Variants in SYT1 observed in about 807,000 individuals in gnomAD.
SYT1 encodes the protein synaptotagmin 1, also known as synaptotagmin-1.
SYT1 carries 8 observed loss-of-function variants against 44.8 expected under a neutral mutation model. The ratio of observed to expected loss-of-function variants is 0.18; its 90% CI spans 0.10 to 0.32. SYT1 has a LOEUF of 0.32. SYT1 is among the 10% of genes least tolerant of loss of function. The pLI, the probability that SYT1 is intolerant of heterozygous loss-of-function variation, is 1.00. For missense variants in SYT1, 286 were observed against 509.3 expected (o/e 0.56, Z 4.22); for synonymous variants, 154 against 188.8 (o/e 0.82, Z 1.51).
intron 1 of SYT1, among the ~76,000 whole-genome samples, chr12:78,897,397 ATTGTTTTGTT>A (rs370586558): frequency 6.6e-6 from 1 of 152,058 alleles, no homozygotes; most frequent in African/African-American, 2.4e-5. Flanking sequence ...CAGAAGCTAG[ATTGTTTTGTT>A]TTGTTTTGTT....
intron 2 of SYT1, among the ~76,000 whole-genome samples, chr12:78,987,207 G>A (rs1430279508): frequency 6.6e-6 from 1 of 152,034 alleles, no homozygotes; most frequent in Admixed American, 6.6e-5. Flanking sequence ...AAATGAGGAG[G>A]CACCCTTTCT....
At position 79,449,061 on chromosome 12, in the gene SYT1, T is replaced by A; in HGVS notation, c.1206T>A (p.Ile402=). Residue 402 remains isoleucine, a synonymous_variant, in exon 11 of 11, where the codon ATT becomes ATA. Coordinates refer to ENST00000261205, the MANE Select transcript of SYT1 (RefSeq NM_005639.3). ...TGCTGGCCAACCCCAGGCGACCTAT[T>A]GCCCAGTGGCACACCCTGCAGGTAG... ...SDMLANPRRP[I]AQWHTLQVEE... The A allele has an allele frequency of 6.2e-7, 1 of 1,614,196 alleles. No homozygotes were observed. The highest frequency in any genetic ancestry group is 2.2e-5 in the East Asian group (1 of 44,866).
chr12:79,442,459 A>C (rs1186977109), intron 9 of SYT1, among the ~76,000 whole-genome samples: 1 of 152,154 alleles, frequency 6.6e-6, no homozygotes, highest in Non-Finnish European at 1.5e-5. Context: ...AATTTTGATG[A>C]AAATCTTCAT....
chr12:79,200,965 G>A (rs967134559), intron 3 of SYT1, among the ~76,000 whole-genome samples: 6 of 152,128 alleles, frequency 3.9e-5, no homozygotes, highest in Non-Finnish European at 7.4e-5. Flanking sequence ...GAAATGGTAA[G>A]GAAATGTATT....
intron 4 of SYT1, among the ~76,000 whole-genome samples, chr12:79,262,398 C>A (rs904927998): frequency 3.3e-5 from 5 of 152,146 alleles, no homozygotes; most frequent in African/African-American, 1.2e-4. Flanking sequence ...GTTGTAAAAT[C>A]TTTGGTGTTG....
chr12:79,043,279 CT>C (rs1292360546), intron 2 of SYT1, among the ~76,000 whole-genome samples: 4 of 150,494 alleles, frequency 2.7e-5, no homozygotes, highest in Admixed American at 1.3e-4. Flanking sequence ...TTGTGGGTCA[CT>C]CAGGACTTGC....
chr12:79,087,100 C>T (rs1024315385), intron 3 of SYT1, among the ~76,000 whole-genome samples: 2 of 152,114 alleles, frequency 1.3e-5, no homozygotes, highest in African/African-American at 4.8e-5. Context: ...GTACACAATT[C>T]GGGCCTTTTC....
chr12:79,416,034 T>A lies in SYT1; in HGVS notation c.929-28039T>A, dbSNP rs921599074. Among the ~76,000 whole-genome samples, 5 of 152,220 alleles carry A rather than the reference T, an allele frequency of 3.3e-5. No individual in the cohort carries two copies. In the South Asian group the frequency reaches 1.0e-3, roughly 31 times the overall value. The stretch of plus-strand genomic sequence containing the variant: ...AACTGTGGAGTGGCATAGTCCCATT[T>A]ACATTGAGAATCATTTTTGTTTTAG... On this transcript the variant is annotated intron_variant, in intron 9 of 10. Transcript: ENST00000261205.
At chr12:79,383,103 G>A (rs907848602) in intron 9 of SYT1, among the ~76,000 whole-genome samples, 1 of 152,164 alleles carries the variant, frequency 6.6e-6, no homozygotes, top group African/African-American at 2.4e-5. Context: ...GTGGGATACA[G>A]GTATGTTTTG....
At chr12:79,385,461 T>C (rs1053900429) in intron 9 of SYT1, among the ~76,000 whole-genome samples, 5 of 98,522 alleles carry the variant, frequency 5.1e-5, no homozygotes, top group African/African-American at 1.3e-4. Context: ...TGTATATTCA[T>C]TGATTTTTTT....
intron 3 of SYT1, among the ~76,000 whole-genome samples, chr12:79,132,771 C>T (rs1372866999): frequency 6.8e-6 from 1 of 146,742 alleles, no homozygotes; most frequent in Non-Finnish European, 1.5e-5. Context: ...GAAAGGAAAT[C>T]AGTATATCAA....
intron 3 of SYT1, among the ~76,000 whole-genome samples, chr12:79,078,023 T>C (rs1876774510): frequency 6.6e-6 from 1 of 152,204 alleles, no homozygotes; most frequent in Non-Finnish European, 1.5e-5. Context: ...AAACTACATT[T>C]AAGAATACAT....
intron 1 of SYT1, among the ~76,000 whole-genome samples, chr12:78,872,507 G>A (rs1873875022): frequency 6.6e-6 from 1 of 151,772 alleles, no homozygotes; most frequent in African/African-American, 2.4e-5. Flanking sequence ...GGAAAGATTT[G>A]TTCAGTTCTC....
intron 2 of SYT1, among the ~76,000 whole-genome samples, chr12:79,029,546 GT>G (rs1171945235): frequency 6.6e-6 from 1 of 151,018 alleles, no homozygotes; most frequent in Non-Finnish European, 1.5e-5. Context: ...TTCTGATTTG[GT>G]GATTAATTTA....
At chr12:79,097,044 T>C (rs1377165000) in intron 3 of SYT1, among the ~76,000 whole-genome samples, 1 of 151,928 alleles carries the variant, frequency 6.6e-6, no homozygotes, top group Non-Finnish European at 1.5e-5. Context: ...TTGACTGAGG[T>C]TGAATCAGGG....
chr12:78,869,214 A>G (rs925764708), intron 1 of SYT1, among the ~76,000 whole-genome samples: 11 of 151,944 alleles, frequency 7.2e-5, no homozygotes, highest in African/African-American at 2.7e-4. Context: ...ACATTTCCAA[A>G]AAAAAAGATA....
chr12:79,041,369 T>G (rs1429853563), intron 2 of SYT1, among the ~76,000 whole-genome samples: 2 of 152,170 alleles, frequency 1.3e-5, no homozygotes, highest in Non-Finnish European at 2.9e-5. Flanking sequence ...CCTAGGTATT[T>G]TATTCTCTTT....
chr12:79,206,752 G>A (rs1282962874), intron 3 of SYT1, among the ~76,000 whole-genome samples: 1 of 152,182 alleles, frequency 6.6e-6, no homozygotes, highest in Non-Finnish European at 1.5e-5. Flanking sequence ...AAACTAACAA[G>A]ACTAGTGACT....
chr12:79,210,984 C>T (rs1164954478), intron 3 of SYT1, among the ~76,000 whole-genome samples: 3 of 149,760 alleles, frequency 2.0e-5, no homozygotes, highest in Non-Finnish European at 3.0e-5. Flanking sequence ...ACCTCTTCTG[C>T]AAGATCCAGT....
Sources: gnomAD v4.1 joint callset for allele counts (sites outside exome capture counted in the v4.1 genomes callset) on GRCh38, gnomAD v4.1.1 for gene constraint, MANE v1.5 for transcripts, NCBI Gene and HGNC (gene_info 2026-07-23, HGNC 2026-07-21) for gene names.